Variants in ADIPOR1 observed in about 807,000 individuals in gnomAD.
ADIPOR1 encodes adiponectin receptor protein 1.
In ADIPOR1, 15 loss-of-function variants were observed where a neutral mutation model predicts 37.5. That is an observed-to-expected ratio of 0.40 (90% confidence interval 0.27 to 0.62). The LOEUF is 0.62. Ranked by LOEUF, ADIPOR1 falls within the 20% of genes least tolerant of loss-of-function variation. The pLI, the probability that ADIPOR1 is intolerant of heterozygous loss-of-function variation, is 0.42. For missense variants in ADIPOR1, 286 were observed against 478.0 expected (o/e 0.60, Z 3.75); for synonymous variants, 173 against 173.2 (o/e 1.00, Z 0.01).
At position 202,952,338 on chromosome 1, in the gene ADIPOR1, C is replaced by T. The variant is rs541857438; in HGVS notation, c.-94-1174G>A. Among the ~76,000 whole-genome samples, 14 of 152,096 alleles carry T rather than the reference C, an allele frequency of 9.2e-5. No individual in the cohort carries two copies. In the East Asian group the frequency reaches 1.7e-3, roughly 19 times the overall value. ...ACTGCACATGGAGTGGGTTGCATTC[C>T]GGGAGAGGAAACTTAAGCTTAGGGA... On this transcript the variant is annotated intron_variant, in intron 1 of 7. Coordinates refer to ENST00000340990, the MANE Select transcript of ADIPOR1 (RefSeq NM_015999.6).
chr1:202,941,779 C>A (rs757856670), intron 7 of ADIPOR1, 78 bp from the exon 8 acceptor site: 24 of 1,530,484 alleles, frequency 1.6e-5, no homozygotes, highest in Non-Finnish European at 1.9e-5. Flanking sequence ...GCATTTGCTT[C>A]TTCTAGTTTA....
Position 202,943,883 on chromosome 1 carries a change from G to T in ADIPOR1, c.680C>A (p.Ser227Tyr). The change falls in exon 6 of 8, where the codon TCC (serine) becomes TAC (tyrosine). Residue 227 changes from serine to tyrosine, a missense_variant. Physicochemically the swap from Ser to Tyr is moderately radical, Grantham distance 144 (BLOSUM62 -2). Coordinates refer to ENST00000340990, the MANE Select transcript of ADIPOR1 (RefSeq NM_015999.6). Reference protein sequence around the residue: ...MGSFVPWLYYSFYCSPQPRLI... With the variant: ...MGSFVPWLYYYFYCSPQPRLI... The stretch of plus-strand genomic sequence containing the variant: ...CCGTGGCTGTGGGGAGCAGTAGAAG[G>T]AATAATAGAGCCAGGGGACAAAGCT... 1 of 1,614,100 alleles carries T rather than the reference G, an allele frequency of 6.2e-7. No homozygotes were observed. The highest frequency in any genetic ancestry group is 8.5e-7 in the Non-Finnish European group (1 of 1,179,976).
intron 6 of ADIPOR1, among the ~76,000 whole-genome samples, chr1:202,943,392 A>G (rs756327926): frequency 6.6e-6 from 1 of 152,234 alleles, no homozygotes; most frequent in Non-Finnish European, 1.5e-5. Context: ...CCATTCCCTT[A>G]GTAAAATGCC....
intron 6 of ADIPOR1, 132 bp downstream of exon 6, chr1:202,943,626 T>C: frequency 9.9e-7 from 1 of 1,009,270 alleles, no homozygotes; most frequent in Non-Finnish European, 1.4e-6. Flanking sequence ...GATGCTGTTT[T>C]GAAAGTTCTG....
At chr1:202,954,732 G>C (rs1156247497) in intron 1 of ADIPOR1, among the ~76,000 whole-genome samples, 1 of 152,200 alleles carries the variant, frequency 6.6e-6, no homozygotes, top group African/African-American at 2.4e-5. Context: ...GAGGTTGTTT[G>C]TACTCCTATA....
chr1:202,952,696 C>G (rs1005779654), intron 1 of ADIPOR1, among the ~76,000 whole-genome samples: 1 of 152,146 alleles, frequency 6.6e-6, no homozygotes, highest in African/African-American at 2.4e-5. Flanking sequence ...TAAACTGAAC[C>G]AGTTATGGAC....
intron 3 of ADIPOR1, 140 bp downstream of exon 3, chr1:202,948,164 T>G (rs1239972139): frequency 1.6e-6 from 1 of 626,052 alleles, no homozygotes; most frequent in Non-Finnish European, 2.7e-6. Context: ...CACATTGATT[T>G]ACCTCATCTT....
At chr1:202,952,644 G>C (rs937435395) in intron 1 of ADIPOR1, among the ~76,000 whole-genome samples, 7 of 152,136 alleles carry the variant, frequency 4.6e-5, no homozygotes, top group African/African-American at 1.7e-4. Context: ...GGGATTCCGG[G>C]ACGTGCACCA....
chr1:202,947,410 T>C (rs989099870), intron 3 of ADIPOR1, among the ~76,000 whole-genome samples: 2 of 151,686 alleles, frequency 1.3e-5, no homozygotes, highest in Non-Finnish European at 2.9e-5. Flanking sequence ...TAATCCCAGC[T>C]ACTCGGGAGG....
At chr1:202,946,359 G>T in intron 4 of ADIPOR1, 80 bp downstream of exon 4, 1 of 1,555,672 alleles carries the variant, frequency 6.4e-7, no homozygotes, top group Non-Finnish European at 8.8e-7. Context: ...CAATCGATCT[G>T]AACAACTTTG....
At chr1:202,955,234 T>C (rs1365786087) in intron 1 of ADIPOR1, among the ~76,000 whole-genome samples, 1 of 151,892 alleles carries the variant, frequency 6.6e-6, no homozygotes, top group Non-Finnish European at 1.5e-5. Flanking sequence ...AAGTCTTTTT[T>C]TTTTTTTAAA....
In ADIPOR1 at chr1:202,942,146, T is replaced by C. The variant is rs781601173; in HGVS notation, c.878A>G (p.Lys293Arg). ...GCCCATCTGGCCCACTGTGGTGGCCTTGACAAAGCCCTCAGCGATAGTAAA... is the reference window on the plus strand; with the variant it reads ...GCCCATCTGGCCCACTGTGGTGGCCCTGACAAAGCCCTCAGCGATAGTAAA... ...MHFTIAEGFV[K>R]ATTVGQMGWF... Residue 293 changes from lysine to arginine, a missense_variant, in exon 7 of 8, where the codon AAG becomes AGG. By Grantham distance (26) the Lys-to-Arg change is conservative. Transcript: ENST00000340990. 2 of 1,614,162 alleles carry C rather than the reference T, an allele frequency of 1.2e-6. No homozygotes were observed. The highest frequency in any genetic ancestry group is 1.1e-5 in the South Asian group (1 of 91,078).
intron 6 of ADIPOR1, 34 bp downstream of exon 6, chr1:202,943,724 T>C (rs1447151368): frequency 1.2e-6 from 2 of 1,601,612 alleles, no homozygotes; most frequent in Non-Finnish European, 1.7e-6. Flanking sequence ...AAGGTCTAAA[T>C]ACCTCTGAGG....
chr1:202,956,501 G>T (rs987279571), intron 1 of ADIPOR1, among the ~76,000 whole-genome samples: 1 of 152,208 alleles, frequency 6.6e-6, no homozygotes, highest in Non-Finnish European at 1.5e-5. Flanking sequence ...TGAAATGGTT[G>T]TTGGCCTCTA....
rs146219634 is a variant in ADIPOR1, at chr1:202,941,203, G to A, written c.*370C>T. On this transcript the variant is annotated 3_prime_UTR_variant, in exon 8 of 8. Transcript: ENST00000340990. ...AAAGTTAAGGATGGGGGTAAGGGAG[G>A]GACATTTTCTTCCAGAAGAAAAGAC... is the stretch of plus-strand genomic sequence containing the variant. 3.6e-3 allele frequency: 581 copies of A among 161,258 alleles called. 4 individuals carry two copies. Among genetic ancestry groups the A allele is most frequent in the African/African-American group, 0.013 (551 of 41,812 alleles). The allele number at this position is 161,258 out of a possible 1,614,324, so 10.0% of individuals were successfully genotyped here.
At chr1:202,954,840 T>TTA (rs1654715006) in intron 1 of ADIPOR1, among the ~76,000 whole-genome samples, 2 of 152,168 alleles carry the variant, frequency 1.3e-5, no homozygotes, top group South Asian at 4.1e-4. Flanking sequence ...TTGGAGACAT[T>TTA]TATATTGTGA....
chr1:202,946,424 A>G lies in ADIPOR1; in HGVS notation c.430+15T>C. 1 of 1,613,654 alleles carries G rather than the reference A, an allele frequency of 6.2e-7. No individual in the cohort carries two copies. Among genetic ancestry groups the G allele is most frequent in the Non-Finnish European group, 8.5e-7 (1 of 1,179,908 alleles). ...GAGACAACAAATTCCACCTTTCCCC[A>G]TCCAAATCACTCACCAAGCAGATGG... On this transcript the variant is annotated intron_variant, in intron 4 of 7. Coordinates refer to ENST00000340990, the MANE Select transcript of ADIPOR1 (RefSeq NM_015999.6).
intron 2 of ADIPOR1, among the ~76,000 whole-genome samples, chr1:202,948,878 G>A (rs1009514772): frequency 1.8e-4 from 27 of 151,088 alleles, no homozygotes; most frequent in African/African-American, 5.6e-4. Context: ...TGCAACCTCC[G>A]CCTCCCGGGT....
intron 1 of ADIPOR1, among the ~76,000 whole-genome samples, chr1:202,953,757 T>C (rs1352356431): frequency 6.6e-6 from 1 of 152,092 alleles, no homozygotes; most frequent in Admixed American, 6.5e-5. Flanking sequence ...CCAGATAACA[T>C]AGGTAGTTTG....
Sources: gnomAD v4.1 joint callset for allele counts (sites outside exome capture counted in the v4.1 genomes callset) on GRCh38, gnomAD v4.1.1 for gene constraint, MANE v1.5 for transcripts, NCBI Gene and HGNC (gene_info 2026-07-23, HGNC 2026-07-21) for gene names.